Variants in SLC4A4 observed in about 807,000 individuals in gnomAD.
The protein encoded by SLC4A4 is solute carrier family 4 member 4, also known as electrogenic sodium bicarbonate cotransporter 1.
SLC4A4 carries 27 observed loss-of-function variants against 111.5 expected under a neutral mutation model. That is an observed-to-expected ratio of 0.24 (90% CI 0.18 to 0.33). SLC4A4 has a LOEUF of 0.33. Ranked by LOEUF, SLC4A4 falls within the 10% of genes least tolerant of loss-of-function variation. The probability of loss-of-function intolerance (pLI) is 1.00; values close to 1 mark genes in which losing one functional copy is unlikely to be tolerated. For synonymous variants in SLC4A4, 443 were observed against 463.4 expected (o/e 0.96, Z 0.57); for missense variants, 909 against 1,315.5 (o/e 0.69, Z 4.78).
At chr4:71,260,521 A>G (rs1344241628) in intron 3 of SLC4A4, among the ~76,000 whole-genome samples, 1 of 152,236 alleles carries the variant, frequency 6.6e-6, no homozygotes, top group African/African-American at 2.4e-5. Flanking sequence ...CAATAAAACT[A>G]TACCATCTCT....
chr4:71,472,158 A>T (rs1378787875), intron 13 of SLC4A4, among the ~76,000 whole-genome samples: 2 of 151,648 alleles, frequency 1.3e-5, no homozygotes, highest in Non-Finnish European at 2.9e-5. Flanking sequence ...AACACCTTGA[A>T]TTTTTTCTGC....
intron 7 of SLC4A4, chr4:71,437,850 C>T (rs1473624959): frequency 5.1e-6 from 1 of 195,056 alleles, no homozygotes; most frequent in Non-Finnish European, 1.1e-5. Flanking sequence ...ACTGAGCCAG[C>T]CCCCAACAAA....
chr4:71,513,423 T>G (rs534435053), intron 16 of SLC4A4, among the ~76,000 whole-genome samples: 41 of 152,308 alleles, frequency 2.7e-4, no homozygotes, highest in African/African-American at 8.4e-4. Context: ...TTAAATTATT[T>G]TCTTGGCTAG....
chr4:71,511,802 T>C (rs1287136364), intron 16 of SLC4A4, among the ~76,000 whole-genome samples: 2 of 152,146 alleles, frequency 1.3e-5, no homozygotes, highest in African/African-American at 2.4e-5. Flanking sequence ...GTTAACTGTC[T>C]TTCCACTCCC....
chr4:71,533,249 T>C (rs1206465454), intron 17 of SLC4A4, among the ~76,000 whole-genome samples: 1 of 152,182 alleles, frequency 6.6e-6, no homozygotes, highest in Admixed American at 6.5e-5. Context: ...TTTGAGTTAA[T>C]ATTTATTGAA....
At chr4:71,517,067 G>A (rs1732473366) in intron 16 of SLC4A4, among the ~76,000 whole-genome samples, 1 of 151,874 alleles carries the variant, frequency 6.6e-6, no homozygotes, top group Admixed American at 6.6e-5. Flanking sequence ...ATTATATCTT[G>A]ATATAGTATT....
chr4:71,419,681 G>A (rs913490905), intron 7 of SLC4A4, among the ~76,000 whole-genome samples: 17 of 152,286 alleles, frequency 1.1e-4, no homozygotes, highest in Admixed American at 2.0e-4. Context: ...CCTTCGGCTC[G>A]TGCACGGTGC....
intron 18 of SLC4A4, among the ~76,000 whole-genome samples, chr4:71,542,236 A>G (rs1012755421): frequency 1.2e-4 from 18 of 152,002 alleles, no homozygotes; most frequent in Non-Finnish European, 1.3e-4. Context: ...TCACTTTTTT[A>G]TCTTTGACCT....
intron 4 of SLC4A4, among the ~76,000 whole-genome samples, chr4:71,347,158 G>A (rs1729398032): frequency 6.6e-6 from 1 of 152,042 alleles, no homozygotes; most frequent in Non-Finnish European, 1.5e-5. Context: ...CTTTTTAAAT[G>A]TATTCAAAGT....
intron 3 of SLC4A4, among the ~76,000 whole-genome samples, chr4:71,295,144 T>C (rs987644943): frequency 6.6e-6 from 1 of 152,214 alleles, no homozygotes; most frequent in African/African-American, 2.4e-5. Flanking sequence ...ATTGGGAATG[T>C]AGATCATTGG....
At chr4:71,300,269 A>T in intron 3 of SLC4A4, 1 of 210,634 alleles carries the variant, frequency 4.7e-6, no homozygotes, top group Non-Finnish European at 1.0e-5. Context: ...AGCGTCTGCC[A>T]TAGCACGGGC....
At chr4:71,205,108 A>G (rs948718999) in intron 1 of SLC4A4, among the ~76,000 whole-genome samples, 1 of 152,150 alleles carries the variant, frequency 6.6e-6, no homozygotes, top group South Asian at 2.1e-4. Context: ...ACTAATTCCC[A>G]GCTTGTTTGT....
chr4:71,400,008 T>C (rs374924501), intron 7 of SLC4A4, among the ~76,000 whole-genome samples: 19 of 152,348 alleles, frequency 1.2e-4, no homozygotes, highest in African/African-American at 4.3e-4. Context: ...TAAATTTATT[T>C]CGCACATTTT....
At chr4:71,443,139 T>TATAC (rs1724912572) in intron 8 of SLC4A4, among the ~76,000 whole-genome samples, 1 of 137,610 alleles carries the variant, frequency 7.3e-6, no homozygotes, top group Non-Finnish European at 1.5e-5. Flanking sequence ...TATATATATA[T>TATAC]ATATATATAT....
chr4:71,479,439 A>G (rs1214120271), intron 14 of SLC4A4, among the ~76,000 whole-genome samples: 1 of 151,764 alleles, frequency 6.6e-6, no homozygotes, highest in Non-Finnish European at 1.5e-5. Context: ...GCGCTGTGCA[A>G]CAATATGTTA....
chr4:71,449,198 A>G (rs1577931340), intron 9 of SLC4A4, among the ~76,000 whole-genome samples: 1 of 152,170 alleles, frequency 6.6e-6, no homozygotes, highest in African/African-American at 2.4e-5. Flanking sequence ...TCCTGTCAGT[A>G]TGGTAAAACG....
At chr4:71,434,401 A>C (rs570512098) in intron 7 of SLC4A4, 9 of 195,232 alleles carry the variant, frequency 4.6e-5, no homozygotes, top group Admixed American at 9.6e-5. Context: ...AGCTTTAAAC[A>C]ACTTTAAAGC....
rs78034789 is a variant in SLC4A4 at position 71,136,036 on chromosome 4, G to A, written c.-2+43244G>A. Among the ~76,000 whole-genome samples the A allele has an allele frequency of 3.3e-3, 502 of 152,340 alleles. 2 individuals are homozygous for A. The highest frequency in any genetic ancestry group is 0.012 in the African/African-American group (482 of 41,594). On this transcript the variant is annotated intron_variant, in intron 2 of 26. Coordinates refer to the SLC4A4 transcript ENST00000649996. ...AGAGGTTCATAGTGCTGCAGAGACAGAAGAACCATAAGAGCTTAAACATTC... is the reference window on the plus strand; with the variant it reads ...AGAGGTTCATAGTGCTGCAGAGACAAAAGAACCATAAGAGCTTAAACATTC...
At chr4:71,496,804 A>C (rs182253992) in intron 15 of SLC4A4, among the ~76,000 whole-genome samples, 76 of 152,268 alleles carry the variant, frequency 5.0e-4, no homozygotes, top group Non-Finnish European at 2.5e-4. Flanking sequence ...GCCATGTAAC[A>C]TGGAGATGGA....
Sources: gnomAD v4.1 joint callset for allele counts (sites outside exome capture counted in the v4.1 genomes callset) on GRCh38, gnomAD v4.1.1 for gene constraint, MANE v1.5 for transcripts, NCBI Gene and HGNC (gene_info 2026-07-23, HGNC 2026-07-21) for gene names.